The following ST7L variants were observed in gnomAD, a reference collection of about 807,000 sequenced individuals.
ST7L encodes suppressor of tumorigenicity 7 protein-like.
In ST7L, 57 loss-of-function variants were observed where a neutral mutation model predicts 72.5. The observed-to-expected ratio is 0.79, with a 90% CI of 0.64 to 0.98. The LOEUF (loss-of-function observed/expected upper bound fraction) is 0.98. ST7L is among the 50% of genes least tolerant of loss of function. ST7L has a pLI of 0.00. For missense variants in ST7L, 576 were observed against 672.2 expected, an observed-to-expected ratio of 0.86 and a Z score of 1.58; for synonymous variants, 221 against 240.9, an observed-to-expected ratio of 0.92 and a Z score of 0.77.
intron 6 of ST7L, among the ~76,000 whole-genome samples, chr1:112,590,658 T>C (rs1665556050): frequency 6.6e-6 from 1 of 152,248 alleles, no homozygotes; most frequent in Admixed American, 6.5e-5. Flanking sequence ...TAGATTAGTA[T>C]TTATTGATCT....
intron 14 of ST7L, chr1:112,527,628 GTA>G (rs1653672892): frequency 6.6e-6 from 1 of 152,658 alleles, no homozygotes; most frequent in African/African-American, 2.4e-5. Flanking sequence ...TAGGTCTTGT[GTA>G]TAAAGGAAGG....
chr1:112,585,751 A>C (rs2101905255), intron 6 of ST7L, among the ~76,000 whole-genome samples: 1 of 152,146 alleles, frequency 6.6e-6, no homozygotes, highest in Non-Finnish European at 1.5e-5. Context: ...AAAAAAATTA[A>C]TATTTTGAAT....
chr1:112,602,590 T>C (rs552211492), intron 3 of ST7L, among the ~76,000 whole-genome samples: 2 of 152,312 alleles, frequency 1.3e-5, no homozygotes, highest in Admixed American at 1.3e-4. Flanking sequence ...ATGATGGTTG[T>C]CTCTAGTAAA....
chr1:112,548,010 T>C (rs997650335), intron 13 of ST7L, among the ~76,000 whole-genome samples: 3 of 152,192 alleles, frequency 2.0e-5, no homozygotes, highest in African/African-American at 4.8e-5. Context: ...ATTTGATTAA[T>C]TCAACCAATA....
At chr1:112,533,917 C>G (rs1245993853) in intron 14 of ST7L, among the ~76,000 whole-genome samples, 1 of 150,538 alleles carries the variant, frequency 6.6e-6, no homozygotes, top group South Asian at 2.1e-4. Flanking sequence ...TGGGCTCAAG[C>G]AATCCTCCCA....
At chr1:112,568,578 G>A (rs188626166) in intron 11 of ST7L, among the ~76,000 whole-genome samples, 1,564 of 150,388 alleles carry the variant, frequency 0.01, 29 homozygotes, top group African/African-American at 0.033. Flanking sequence ...CTTGTGATTC[G>A]CCCGCCTCAG....
At chr1:112,570,974 A>G (rs1357715248) in intron 11 of ST7L, among the ~76,000 whole-genome samples, 1 of 152,220 alleles carries the variant, frequency 6.6e-6, no homozygotes, top group Non-Finnish European at 1.5e-5. Context: ...GTTCGAGACC[A>G]GCCTGGCCAA....
chr1:112,584,239 T>C (rs984992284), intron 6 of ST7L, 113 bp from the exon 7 acceptor site: 3 of 1,112,108 alleles, frequency 2.7e-6, no homozygotes, highest in Non-Finnish European at 3.6e-6. Context: ...TTTCCATCTT[T>C]AGAAAAAAAA....
chr1:112,539,860 A>G (rs894654159), intron 14 of ST7L: 16 of 985,080 alleles, frequency 1.6e-5, no homozygotes, highest in Non-Finnish European at 1.8e-5. Flanking sequence ...TGTGGCTGTA[A>G]AAGTTTACCA....
chr1:112,566,297 CTTTTT>C (rs71084471), intron 11 of ST7L, among the ~76,000 whole-genome samples: 1 of 105,948 alleles, frequency 9.4e-6, no homozygotes, highest in Non-Finnish European at 1.7e-5. Flanking sequence ...TCTTCTTCTT[CTTTTT>C]TTTTTTTTTT....
chr1:112,536,046 T>C (rs1161737950), intron 14 of ST7L, among the ~76,000 whole-genome samples: 2 of 152,148 alleles, frequency 1.3e-5, no homozygotes, highest in Non-Finnish European at 2.9e-5. Flanking sequence ...TGTCACACAA[T>C]AGGTTTATTT....
chr1:112,605,388 G>A (rs961232449), intron 3 of ST7L, among the ~76,000 whole-genome samples: 6 of 151,238 alleles, frequency 4.0e-5, no homozygotes, highest in South Asian at 2.1e-4. Context: ...GTGAGACTCC[G>A]TCTCAACAAC....
intron 11 of ST7L, among the ~76,000 whole-genome samples, chr1:112,563,469 T>A (rs1660494348): frequency 6.6e-6 from 1 of 152,144 alleles, no homozygotes; most frequent in South Asian, 2.1e-4. Context: ...ATTTGGAAAT[T>A]ATCAACAAAT....
Position 112,583,973 on chromosome 1 carries a change from C to A in ST7L, c.855G>T (p.Leu285=). Residue 285 remains leucine (L), a splice_region_variant and synonymous_variant, in exon 7 of 15, where the codon CTG becomes CTT. Transcript: ENST00000358039. ...AATAACCAGTTCAAACTTGCTTACT[C>A]AGTTGAGCTTCATGCTGAGGACTTT... ...QHQSPQHEAQ[L]RRDTNVLVYI... The A allele has an allele frequency of 6.2e-7, 1 of 1,613,126 alleles. No homozygotes were observed. Among genetic ancestry groups the A allele is most frequent in the Non-Finnish European group, 8.5e-7 (1 of 1,179,660 alleles).
At chr1:112,598,818 GAGGCTGAGGC>G (rs1005898287) in intron 4 of ST7L, among the ~76,000 whole-genome samples, 1 of 151,466 alleles carries the variant, frequency 6.6e-6, no homozygotes, top group Non-Finnish European at 1.5e-5. Context: ...GGCACTTTGG[GAGGCTGAGGC>G]AGGAGGATCA....
chr1:112,571,111 A>C (rs1662043917), intron 11 of ST7L, among the ~76,000 whole-genome samples: 1 of 152,310 alleles, frequency 6.6e-6, no homozygotes, highest in Admixed American at 6.5e-5. Flanking sequence ...TGAAGGTTGC[A>C]GTGAGCCGAG....
chr1:112,612,803 A>G (rs773872292), intron 2 of ST7L, among the ~76,000 whole-genome samples: 3 of 152,094 alleles, frequency 2.0e-5, no homozygotes, highest in Non-Finnish European at 4.4e-5. Context: ...AAAGGTTTAT[A>G]TTGAATAAAT....
chr1:112,518,664 C>G (rs1415899806), downstream of ST7L, among the ~76,000 whole-genome samples: 1 of 152,076 alleles, frequency 6.6e-6, no homozygotes, highest in Non-Finnish European at 1.5e-5. Context: ...CCTATACTAC[C>G]ATACTGAAAA....
chr1:112,534,048 G>T (rs1654805129), intron 14 of ST7L, among the ~76,000 whole-genome samples: 1 of 152,170 alleles, frequency 6.6e-6, no homozygotes, highest in Non-Finnish European at 1.5e-5. Flanking sequence ...CTCCCAGGCA[G>T]CTTATTTGCC....
Sources: allele counts gnomAD v4.1 joint callset (sites outside exome capture counted in the v4.1 genomes callset), GRCh38; gene constraint gnomAD v4.1.1; transcripts MANE v1.5; gene names NCBI Gene and HGNC (gene_info 2026-07-23, HGNC 2026-07-21).